Variants in ACTMAP observed in about 807,000 individuals in gnomAD.
ACTMAP encodes UPF0692 protein C19orf54.
chr19:40,748,712 G>A, the ACTMAP span, among the ~76,000 whole-genome samples: 6 of 152,264 alleles, frequency 3.9e-5, no homozygotes, highest in South Asian at 4.1e-4. Context: ...CACTTCCCCC[G>A]GCAAGTTAAG....
the ACTMAP span, chr19:40,745,135 G>A: frequency 6.4e-7 from 1 of 1,551,944 alleles, no homozygotes; most frequent in Non-Finnish European, 8.7e-7. Flanking sequence ...CATACTGAGG[G>A]CCTTCTTGGA....
the ACTMAP span, chr19:40,744,000 C>T: frequency 7.6e-5 from 122 of 1,614,020 alleles, no homozygotes; most frequent in East Asian, 7.4e-4. Context: ...AAGGTAAAAA[C>T]GATGGTGTGG....
At chr19:40,748,291 T>C in the ACTMAP span, among the ~76,000 whole-genome samples, 2 of 151,912 alleles carry the variant, frequency 1.3e-5, no homozygotes, top group East Asian at 3.9e-4. Context: ...TGACAAACCC[T>C]GTCTCTACTA....
the ACTMAP span, among the ~76,000 whole-genome samples, chr19:40,746,729 C>T: frequency 6.6e-6 from 1 of 151,952 alleles, no homozygotes; most frequent in Non-Finnish European, 1.5e-5. Context: ...AGGCTGGTCT[C>T]GAACTGCTGA....
the ACTMAP span, among the ~76,000 whole-genome samples, chr19:40,745,706 C>T: frequency 1.3e-5 from 2 of 152,178 alleles, no homozygotes; most frequent in East Asian, 1.9e-4. Context: ...GAGTTTTGCT[C>T]GTTTTGCCCA....
chr19:40,745,053 G>C, the ACTMAP span: 133 of 1,498,240 alleles, frequency 8.9e-5, no homozygotes, highest in Admixed American at 1.2e-4. Flanking sequence ...CTCTTCTCCA[G>C]ATCAGTCCTT....
At chr19:40,745,206 A>AGAGCC in the ACTMAP span, 6 of 1,551,676 alleles carry the variant, frequency 3.9e-6, no homozygotes, top group African/African-American at 8.2e-5. Context: ...AACCTGAAGC[A>AGAGCC]GAGCCGTGCT....
chr19:40,741,163 C>T, the ACTMAP span: 11 of 397,384 alleles, frequency 2.8e-5, no homozygotes, highest in Middle Eastern at 6.3e-4. Context: ...GCACTGTGGC[C>T]GGGCTCAGTG....
At chr19:40,744,679 C>T in the ACTMAP span, 63 of 1,608,486 alleles carry the variant, frequency 3.9e-5, no homozygotes, top group Non-Finnish European at 4.8e-5. Context: ...GCCACCAGCC[C>T]GCATCTGGGG....
the ACTMAP span, chr19:40,742,393 G>T: frequency 6.9e-7 from 1 of 1,439,800 alleles, no homozygotes; most frequent in South Asian, 1.5e-5. Context: ...CACTTCAAAT[G>T]GTTACCGAGC....
At chr19:40,744,587 G>C in the ACTMAP span, 1 of 1,613,826 alleles carries the variant, frequency 6.2e-7, no homozygotes, top group African/African-American at 1.3e-5. Context: ...GGGCCGTGTA[G>C]CCTCTTTCCG....
chr19:40,742,504 G>C, the ACTMAP span: 6 of 1,521,368 alleles, frequency 3.9e-6, no homozygotes, highest in Non-Finnish European at 5.3e-6. Context: ...CCACCCACGG[G>C]CACCACGTAC....
the ACTMAP span, chr19:40,749,966 A>C: frequency 1.9e-6 from 1 of 529,028 alleles, no homozygotes; most frequent in Non-Finnish European, 3.1e-6. Flanking sequence ...AATATTTGAA[A>C]CCACGGGAGC....
At chr19:40,742,851 C>T in the ACTMAP span, 287 of 1,373,562 alleles carry the variant, frequency 2.1e-4, no homozygotes, top group Non-Finnish European at 1.2e-4. Context: ...CGCCCTCTCC[C>T]GGCCCTCCAG....
At chr19:40,744,842 G>T in the ACTMAP span, 1 of 1,188,982 alleles carries the variant, frequency 8.4e-7, no homozygotes, top group Non-Finnish European at 1.1e-6. Flanking sequence ...GCCCAGGGCT[G>T]GAGGGCTGGG....
chr19:40,741,888 G>A, the ACTMAP span: 3 of 454,320 alleles, frequency 6.6e-6, no homozygotes, highest in Non-Finnish European at 1.3e-5. Context: ...AGGTGGGGGA[G>A]GGGTGTCTTG....
At chr19:40,746,322 C>T in the ACTMAP span, among the ~76,000 whole-genome samples, 9 of 151,564 alleles carry the variant, frequency 5.9e-5, no homozygotes, top group South Asian at 6.3e-4. Flanking sequence ...TGGGTTCAAG[C>T]GATTCTCCTG....
chr19:40,742,004 G>A, the ACTMAP span: 1 of 451,184 alleles, frequency 2.2e-6, no homozygotes. Context: ...CAATGATCCG[G>A]GGATTTGAAC....
chr19:40,745,430 T>C, the ACTMAP span, among the ~76,000 whole-genome samples: 1 of 152,146 alleles, frequency 6.6e-6, no homozygotes, highest in East Asian at 1.9e-4. Flanking sequence ...GCTCGCTCTC[T>C]CAGTTATTGA....
Sources: allele counts gnomAD v4.1 joint callset (sites outside exome capture counted in the v4.1 genomes callset), GRCh38; gene constraint gnomAD v4.1.1; transcripts MANE v1.5; gene names NCBI Gene and HGNC (gene_info 2026-07-23, HGNC 2026-07-21).